The following ERBB4 variants were observed in gnomAD, a reference collection of about 807,000 sequenced individuals.
ERBB4 encodes the protein erb-b2 receptor tyrosine kinase 4.
A neutral mutation model predicts 158.0 loss-of-function variants in ERBB4; 42 were observed. The observed-to-expected ratio is 0.27, with a 90% CI of 0.21 to 0.34. The LOEUF is 0.34. Among genes scored for constraint, ERBB4 ranks in the 10% least tolerant of loss-of-function variants. The pLI, the probability that ERBB4 is intolerant of heterozygous loss-of-function variation, is 1.00. For synonymous variants in ERBB4, 583 were observed against 558.7 expected, an observed-to-expected ratio of 1.04 and a Z score of -0.61; for missense variants, 1,333 against 1,624.1, an observed-to-expected ratio of 0.82 and a Z score of 3.08.
Position 212,446,630 on chromosome 2 carries a change from T to C in ERBB4, c.82+91819A>G, listed in dbSNP as rs1430728149. On this transcript the variant is annotated intron_variant, in intron 1 of 27. Transcript: ENST00000342788. ...ATATATATATATATATATATATATA[T>C]ATATATATCCTATTAGTTCTGTCCC... Among the ~76,000 whole-genome samples the C allele has an allele frequency of 1.8e-4, 16 of 91,174 alleles. 2 individuals are homozygous for C. In the East Asian group the frequency reaches 4.6e-3, roughly 26 times the overall value. The allele number at this position is 91,174 out of a possible 152,430, so 59.8% of individuals were successfully genotyped here.
At chr2:211,531,713 A>T (rs1036666925) in intron 20 of ERBB4, among the ~76,000 whole-genome samples, 9 of 152,112 alleles carry the variant, frequency 5.9e-5, no homozygotes, top group Non-Finnish European at 2.9e-5. Context: ...TGTTGGTGGG[A>T]ATGTAAATTA....
In ERBB4 at chr2:211,376,985, A is replaced by G. The variant is rs1343282052; in HGVS notation, c.*6630T>C. ...TTTAACAGCAGTACCAGTTTATGCT[A>G]CATATTTCAAAGTACCTTACTTTAA... On this transcript the variant is annotated 3_prime_UTR_variant, in exon 28 of 28. Transcript: ENST00000342788. The G allele has an allele frequency of 4.3e-6, 1 of 233,104 alleles. No individual in the cohort carries two copies. Among genetic ancestry groups the G allele is most frequent in the Non-Finnish European group, 8.5e-6 (1 of 117,694 alleles). 14.4% of individuals were successfully genotyped at this position (233,104 alleles called of 1,614,324 possible). A position where few individuals can be genotyped will look rare whatever the true frequency, so the allele number is the denominator to read the frequency against.
intron 3 of ERBB4, among the ~76,000 whole-genome samples, chr2:211,840,573 A>T (rs2077448820): frequency 6.6e-6 from 1 of 152,122 alleles, no homozygotes; most frequent in South Asian, 2.1e-4. Flanking sequence ...GCTTTAAAAA[A>T]GGTTCTTCAG....
At chr2:211,696,056 T>G (rs918828714) in intron 12 of ERBB4, among the ~76,000 whole-genome samples, 2 of 87,100 alleles carry the variant, frequency 2.3e-5, no homozygotes, top group East Asian at 4.0e-4. Context: ...CTTCCCCCCC[T>G]CCCTCCCTCC....
intron 3 of ERBB4, among the ~76,000 whole-genome samples, chr2:211,888,655 G>C (rs1488458681): frequency 6.6e-6 from 1 of 152,120 alleles, no homozygotes; most frequent in East Asian, 1.9e-4. Context: ...CTCTCACTAG[G>C]GAGTGCCAGA....
chr2:212,528,821 C>T (rs1362661522), intron 1 of ERBB4, among the ~76,000 whole-genome samples: 2 of 152,028 alleles, frequency 1.3e-5, no homozygotes, highest in Non-Finnish European at 2.9e-5. Context: ...AAGAGAATCC[C>T]CATCACCTCT....
chr2:212,106,981 G>T (rs1215964215), intron 2 of ERBB4, among the ~76,000 whole-genome samples: 1 of 152,248 alleles, frequency 6.6e-6, no homozygotes, highest in Non-Finnish European at 1.5e-5. Flanking sequence ...CCAGGCAGAA[G>T]TTTGCTGCAG....
intron 1 of ERBB4, among the ~76,000 whole-genome samples, chr2:212,219,000 T>G (rs1378687331): frequency 6.6e-6 from 1 of 151,316 alleles, no homozygotes; most frequent in African/African-American, 2.4e-5. Flanking sequence ...GACCACACAA[T>G]GATTCGTGTA....
intron 1 of ERBB4, among the ~76,000 whole-genome samples, chr2:212,459,990 T>G (rs1688492093): frequency 6.6e-6 from 1 of 152,178 alleles, no homozygotes; most frequent in East Asian, 1.9e-4. Context: ...TGATGGGAAG[T>G]AACTGAATCA....
chr2:212,159,130 G>T (rs568161382), intron 1 of ERBB4, among the ~76,000 whole-genome samples: 2 of 152,024 alleles, frequency 1.3e-5, no homozygotes, highest in South Asian at 4.1e-4. Flanking sequence ...GTCAATAAGA[G>T]AATTAAGTAT....
At chr2:211,461,422 A>T (rs1168208998) in intron 20 of ERBB4, among the ~76,000 whole-genome samples, 1 of 152,166 alleles carries the variant, frequency 6.6e-6, no homozygotes, top group Non-Finnish European at 1.5e-5. Context: ...CCTTTCTAAG[A>T]AGTAGAGATC....
intron 1 of ERBB4, among the ~76,000 whole-genome samples, chr2:212,472,692 GT>G (rs1689177473): frequency 6.6e-6 from 1 of 151,696 alleles, no homozygotes; most frequent in Non-Finnish European, 1.5e-5. Flanking sequence ...TTTAAATATA[GT>G]AAAAATAAAT....
chr2:211,712,157 T>A lies in ERBB4; in HGVS notation c.1017A>T (p.Thr339=), dbSNP rs771501063. 1 of 1,613,490 alleles carries A rather than the reference T, an allele frequency of 6.2e-7. No individual in the cohort carries two copies. ...CAGTCTGAGCTGACATCAATGATCC[T>A]GTGCCAATGCCATCACAAGCTGTAG... ...ICPKACDGIG[T]GSLMSAQTVD... is the part of the protein sequence containing the mutation. The change falls in exon 9 of 28, where the codon ACA becomes ACT. Residue 339 remains threonine, a synonymous_variant. Coordinates refer to ENST00000342788, the MANE Select transcript of ERBB4 (RefSeq NM_005235.3).
chr2:212,094,052 C>T (rs1245775807), intron 2 of ERBB4, among the ~76,000 whole-genome samples: 1 of 151,812 alleles, frequency 6.6e-6, no homozygotes, highest in Non-Finnish European at 1.5e-5. Context: ...AAAAATAAGA[C>T]TCCTTAGACC....
intron 1 of ERBB4, among the ~76,000 whole-genome samples, chr2:212,163,385 G>T (rs2081259781): frequency 6.6e-6 from 1 of 152,006 alleles, no homozygotes; most frequent in African/African-American, 2.4e-5. Context: ...ACAAAACATT[G>T]TTTTCCATTA....
intron 1 of ERBB4, among the ~76,000 whole-genome samples, chr2:212,474,822 C>CCTTTTTTTTTTTTTTTTTT (rs1689295723): frequency 1.1e-5 from 1 of 94,412 alleles, no homozygotes; most frequent in African/African-American, 6.1e-5. Flanking sequence ...CCCGGCCATT[C>CCTTTTTTTTTTTTTTTTTT]TTTTTTTTTT....
chr2:211,568,939 A>G (rs1315526268), intron 19 of ERBB4, among the ~76,000 whole-genome samples: 3 of 152,342 alleles, frequency 2.0e-5, no homozygotes, highest in African/African-American at 7.2e-5. Context: ...CGAAATCTGC[A>G]TCTGTTCCTT....
intron 12 of ERBB4, among the ~76,000 whole-genome samples, chr2:211,696,388 G>A (rs1231949882): frequency 6.6e-6 from 1 of 152,062 alleles, no homozygotes; most frequent in Non-Finnish European, 1.5e-5. Flanking sequence ...TAGGATTACA[G>A]GTTTTAGCCA....
At chr2:212,114,304 A>G (rs1268324491) in intron 2 of ERBB4, among the ~76,000 whole-genome samples, 5 of 152,248 alleles carry the variant, frequency 3.3e-5, no homozygotes, top group African/African-American at 7.2e-5. Context: ...TAGCCAGCAC[A>G]TGAATAATTA....
Sources: allele counts gnomAD v4.1 joint callset (sites outside exome capture counted in the v4.1 genomes callset), GRCh38; gene constraint gnomAD v4.1.1; transcripts MANE v1.5; gene names NCBI Gene and HGNC (gene_info 2026-07-23, HGNC 2026-07-21).